CORO2A: variants seen among roughly 807,000 people sequenced by gnomAD.
CORO2A encodes coronin 2A, also known as coronin-2A.
CORO2A carries 47 observed loss-of-function variants against 62.4 expected under a neutral mutation model. That is an observed-to-expected ratio of 0.75 (90% CI 0.60 to 0.96). The LOEUF (loss-of-function observed/expected upper bound fraction) is 0.96, where lower values mean the gene tolerates loss of function less well. CORO2A is among the 40% of genes least tolerant of loss of function. The probability of loss-of-function intolerance (pLI) is 0.00; values close to 1 mark genes in which losing one functional copy is unlikely to be tolerated. For missense variants in CORO2A, 610 were observed against 684.1 expected (o/e 0.89, Z 1.21); for synonymous variants, 273 against 268.9 (o/e 1.02, Z -0.15).
intron 4 of CORO2A, among the ~76,000 whole-genome samples, chr9:98,133,532 C>T (rs1430258104): frequency 6.6e-6 from 1 of 152,170 alleles, no homozygotes; most frequent in East Asian, 1.9e-4. Context: ...GCAGTTTGCA[C>T]CTCCCACAGA....
At chr9:98,156,190 C>T (rs1827800997) in intron 2 of CORO2A, among the ~76,000 whole-genome samples, 1 of 151,644 alleles carries the variant, frequency 6.6e-6, no homozygotes, top group Non-Finnish European at 1.5e-5. Context: ...CAGGCAAATG[C>T]CCTCATGCCC....
At position 98,157,761 on chromosome 9, in the gene CORO2A, A is replaced by G. The variant is rs882265; in HGVS notation, c.1-101T>C. On this transcript the variant is annotated intron_variant, in intron 1 of 11. Transcript: ENST00000375077. ...GAGTACATAAGAGGGTACGAGCAGG[A>G]CAGTGGTCAGTTCAACGTGGACGGT... 2,238 of 1,133,846 alleles carry G rather than the reference A, an allele frequency of 2.0e-3. 37 individuals carry two copies. In the African/African-American group the frequency reaches 0.031, roughly 16 times the overall value. 70.2% of individuals were successfully genotyped at this position (1,133,846 alleles called of 1,614,324 possible). A position where few individuals can be genotyped will look rare whatever the true frequency, so the allele number is the denominator to read the frequency against.
chr9:98,162,553 G>A (rs1213964308), intron 1 of CORO2A, among the ~76,000 whole-genome samples: 2 of 152,162 alleles, frequency 1.3e-5, no homozygotes, highest in African/African-American at 4.8e-5. Context: ...TGGGGCAGCC[G>A]CTAGCAAGGC....
chr9:98,164,068 T>G (rs1234824153), intron 1 of CORO2A, among the ~76,000 whole-genome samples: 4 of 152,172 alleles, frequency 2.6e-5, no homozygotes, highest in African/African-American at 9.7e-5. Context: ...CTGTTCTCTC[T>G]CTTAAAATTT....
intron 1 of CORO2A, among the ~76,000 whole-genome samples, chr9:98,170,285 G>A (rs1260183291): frequency 1.3e-5 from 2 of 152,040 alleles, no homozygotes; most frequent in African/African-American, 4.8e-5. Context: ...ACAGCCCTGT[G>A]GGTACCCAGG....
intron 1 of CORO2A, among the ~76,000 whole-genome samples, chr9:98,173,643 G>A (rs967226694): frequency 2.6e-5 from 4 of 152,138 alleles, no homozygotes; most frequent in African/African-American, 4.8e-5. Context: ...CTCCACAGCC[G>A]GAACAAAATC....
chr9:98,143,524 C>T (rs1827603355), intron 2 of CORO2A, among the ~76,000 whole-genome samples: 1 of 152,202 alleles, frequency 6.6e-6, no homozygotes, highest in African/African-American at 2.4e-5. Context: ...CATCCCTTAC[C>T]ATGGTGCAGC....
intron 1 of CORO2A, among the ~76,000 whole-genome samples, chr9:98,181,172 T>A (rs1688812304): frequency 6.6e-6 from 1 of 150,820 alleles, no homozygotes; most frequent in Non-Finnish European, 1.5e-5. Flanking sequence ...GTTGCTTGTG[T>A]CCCCCAGCGC....
chr9:98,183,454 T>G (rs185446084), intron 1 of CORO2A, among the ~76,000 whole-genome samples: 1 of 152,372 alleles, frequency 6.6e-6, no homozygotes, highest in African/African-American at 2.4e-5. Context: ...CCTTATGCTG[T>G]GAGTGCTGAC....
intron 4 of CORO2A, among the ~76,000 whole-genome samples, chr9:98,133,506 G>C (rs888344424): frequency 6.6e-6 from 1 of 152,164 alleles, no homozygotes; most frequent in African/African-American, 2.4e-5. Flanking sequence ...AATCCAGGCG[G>C]TTTCAGTTAT....
chr9:98,146,179 C>T (rs1189616286), intron 2 of CORO2A, among the ~76,000 whole-genome samples: 2 of 152,202 alleles, frequency 1.3e-5, no homozygotes, highest in Non-Finnish European at 2.9e-5. Context: ...TGCTTTCATT[C>T]CTCCCCACCC....
At chr9:98,175,277 G>A (rs1037370212) in intron 1 of CORO2A, among the ~76,000 whole-genome samples, 3 of 152,094 alleles carry the variant, frequency 2.0e-5, no homozygotes, top group African/African-American at 7.2e-5. Context: ...CAGACACCAG[G>A]AGCCTCCCTG....
chr9:98,163,708 C>G (rs1449581660), intron 1 of CORO2A, among the ~76,000 whole-genome samples: 2 of 136,822 alleles, frequency 1.5e-5, no homozygotes, highest in Admixed American at 1.4e-4. Flanking sequence ...GACATACATG[C>G]GGGGTGTGTG....
At chr9:98,191,502 G>A (rs543184950) in intron 1 of CORO2A, among the ~76,000 whole-genome samples, 9 of 152,344 alleles carry the variant, frequency 5.9e-5, no homozygotes, top group African/African-American at 2.2e-4. Flanking sequence ...AAGGGTCAGA[G>A]GTTGTTTGTG....
chr9:98,147,648 C>T (rs1034735201), intron 2 of CORO2A, among the ~76,000 whole-genome samples: 2 of 152,200 alleles, frequency 1.3e-5, no homozygotes, highest in East Asian at 1.9e-4. Flanking sequence ...AGATAAACAA[C>T]AAATATTTTA....
chr9:98,121,522 AT>A lies in CORO2A; in HGVS notation c.*3251del, dbSNP rs749571266. On this transcript the variant is annotated 3_prime_UTR_variant, in exon 12 of 12. Coordinates refer to ENST00000375077, the MANE Select transcript of CORO2A (RefSeq NM_052820.4). ...ATAATTTATTCTAGATGTAAAAATA[AT>A]AATACAAAAAAGTTTGTTCAAAGAC... 3.3e-5 allele frequency: 5 copies of A among 152,256 alleles called. No homozygotes were observed. The highest frequency in any genetic ancestry group is 5.9e-5 in the Non-Finnish European group (4 of 68,048). 9.4% of individuals were successfully genotyped at this position (152,256 alleles called of 1,614,324 possible). A position where few individuals can be genotyped will look rare whatever the true frequency, so the allele number is the denominator to read the frequency against.
chr9:98,147,407 G>A (rs1827656143), intron 2 of CORO2A, among the ~76,000 whole-genome samples: 1 of 152,186 alleles, frequency 6.6e-6, no homozygotes, highest in African/African-American at 2.4e-5. Flanking sequence ...AAAGGGATGA[G>A]TGAAGCAAGA....
intron 4 of CORO2A, among the ~76,000 whole-genome samples, chr9:98,134,535 T>C (rs1827457167): frequency 6.6e-6 from 1 of 152,144 alleles, no homozygotes; most frequent in African/African-American, 2.4e-5. Flanking sequence ...CTCCTCTTCC[T>C]ATAAGGAAGA....
chr9:98,134,566 C>T lies in CORO2A; in HGVS notation c.468+240G>A, dbSNP rs189089571. Among the ~76,000 whole-genome samples the T allele has an allele frequency of 3.3e-5, 5 of 152,200 alleles. No homozygotes were observed. In the East Asian group the frequency reaches 5.8e-4, roughly 18 times the overall value. On this transcript the variant is annotated intron_variant, in intron 4 of 11. Coordinates refer to ENST00000375077, the MANE Select transcript of CORO2A (RefSeq NM_052820.4). ...GAAGACAGGTACACAGAGAGAAGGC[C>T]GTGTGAAGACAGAAACAGAGCCTGG... is the stretch of plus-strand genomic sequence containing the variant.
Sources: allele counts gnomAD v4.1 joint callset (sites outside exome capture counted in the v4.1 genomes callset), GRCh38; gene constraint gnomAD v4.1.1; transcripts MANE v1.5; gene names NCBI Gene and HGNC (gene_info 2026-07-23, HGNC 2026-07-21).